Variants in GRID2 observed in about 807,000 individuals in gnomAD.
GRID2 encodes the protein glutamate receptor ionotropic, delta-2.
A neutral mutation model predicts 114.8 loss-of-function variants in GRID2; 33 were observed. That is an observed-to-expected ratio of 0.29 (90% CI 0.22 to 0.38). GRID2 has a LOEUF of 0.38. Among genes scored for constraint, GRID2 ranks in the 10% least tolerant of loss-of-function variants. The pLI is 1.00. For synonymous variants in GRID2, 505 were observed against 449.9 expected (o/e 1.12, Z -1.55); for missense variants, 1,184 against 1,257.7 (o/e 0.94, Z 0.89).
intron 1 of GRID2, among the ~76,000 whole-genome samples, chr4:92,340,940 C>T (rs1323245400): frequency 5.3e-5 from 8 of 151,992 alleles, no homozygotes; most frequent in African/African-American, 1.9e-4. Flanking sequence ...ACATTTTAGA[C>T]TGTCTATATG....
intron 2 of GRID2, among the ~76,000 whole-genome samples, chr4:92,761,158 C>T (rs1737992384): frequency 6.6e-6 from 1 of 151,862 alleles, no homozygotes; most frequent in Non-Finnish European, 1.5e-5. Context: ...TTTCTGTCTG[C>T]TTTGCACTAG....
chr4:92,381,117 A>G (rs1328916776), intron 1 of GRID2, among the ~76,000 whole-genome samples: 3 of 152,010 alleles, frequency 2.0e-5, no homozygotes, highest in Non-Finnish European at 4.4e-5. Flanking sequence ...AGTGTTTTAT[A>G]TGTGTAATGT....
intron 2 of GRID2, among the ~76,000 whole-genome samples, chr4:92,910,630 T>C (rs1748301614): frequency 6.6e-6 from 1 of 152,060 alleles, no homozygotes; most frequent in Non-Finnish European, 1.5e-5. Flanking sequence ...GTACAATCTA[T>C]TTTTTCAGAG....
chr4:92,969,884 C>A (rs1179048489), intron 2 of GRID2, among the ~76,000 whole-genome samples: 2 of 151,794 alleles, frequency 1.3e-5, no homozygotes, highest in Admixed American at 6.6e-5. Flanking sequence ...TAACAGTAGG[C>A]AATTCTGTCC....
At chr4:93,153,830 A>C (rs957915679) in intron 4 of GRID2, among the ~76,000 whole-genome samples, 1 of 152,056 alleles carries the variant, frequency 6.6e-6, no homozygotes, top group African/African-American at 2.4e-5. Flanking sequence ...TTCCAGACGC[A>C]AAGTTGTTGG....
chr4:92,512,022 A>G (rs960428410), intron 1 of GRID2, among the ~76,000 whole-genome samples: 5 of 150,240 alleles, frequency 3.3e-5, no homozygotes, highest in African/African-American at 1.2e-4. Flanking sequence ...ATGTCCATGA[A>G]TTTATCCAAG....
At chr4:92,999,858 A>G (rs1409418601) in intron 2 of GRID2, among the ~76,000 whole-genome samples, 1 of 151,640 alleles carries the variant, frequency 6.6e-6, no homozygotes, top group Non-Finnish European at 1.5e-5. Context: ...TTTTCATTAG[A>G]GATATATTTA....
chr4:93,025,393 G>C (rs1255462746), intron 2 of GRID2, among the ~76,000 whole-genome samples: 1 of 151,694 alleles, frequency 6.6e-6, no homozygotes, highest in Non-Finnish European at 1.5e-5. Context: ...TCTGAACTTA[G>C]TAAGATTAGC....
chr4:93,319,118 A>G (rs1193358514), intron 8 of GRID2, among the ~76,000 whole-genome samples: 1 of 152,100 alleles, frequency 6.6e-6, no homozygotes, highest in African/African-American at 2.4e-5. Context: ...AGCTGATTAC[A>G]GCACACTACT....
chr4:93,754,483 T>C (rs1378183582), intron 14 of GRID2, among the ~76,000 whole-genome samples: 2 of 152,218 alleles, frequency 1.3e-5, no homozygotes, highest in African/African-American at 4.8e-5. Context: ...TTATTTGCAG[T>C]GATCTATATA....
intron 1 of GRID2, among the ~76,000 whole-genome samples, chr4:92,406,107 G>A (rs1327990303): frequency 6.6e-6 from 1 of 152,060 alleles, no homozygotes; most frequent in Non-Finnish European, 1.5e-5. Flanking sequence ...TGGCTGTTTA[G>A]ATGGTGCACA....
At chr4:92,747,293 T>C (rs1737197566) in intron 2 of GRID2, among the ~76,000 whole-genome samples, 1 of 152,118 alleles carries the variant, frequency 6.6e-6, no homozygotes, top group Non-Finnish European at 1.5e-5. Flanking sequence ...TTTTTATATA[T>C]GCTTGAATGC....
At chr4:93,363,084 G>A (rs1295051470) in intron 8 of GRID2, among the ~76,000 whole-genome samples, 2 of 152,172 alleles carry the variant, frequency 1.3e-5, no homozygotes, top group South Asian at 2.1e-4. Context: ...TCTGGGCATG[G>A]TGGTGCATGT....
At chr4:93,495,960 ACT>A (rs1161771547) in intron 12 of GRID2, among the ~76,000 whole-genome samples, 14 of 151,646 alleles carry the variant, frequency 9.2e-5, no homozygotes, top group African/African-American at 2.7e-4. Flanking sequence ...TCTGGAAATG[ACT>A]CTGTTTAGGC....
At chr4:92,459,091 C>T (rs1721351411) in intron 1 of GRID2, among the ~76,000 whole-genome samples, 4 of 152,100 alleles carry the variant, frequency 2.6e-5, no homozygotes, top group Non-Finnish European at 5.9e-5. Flanking sequence ...AAAAAATTGT[C>T]ATCATGCATA....
chr4:93,403,496 T>C (rs1766106506), intron 9 of GRID2, among the ~76,000 whole-genome samples: 1 of 152,056 alleles, frequency 6.6e-6, no homozygotes, highest in Admixed American at 6.6e-5. Context: ...ATATTTAGCA[T>C]ATACAAAAAT....
chr4:92,573,842 G>A (rs1278394038), intron 1 of GRID2, among the ~76,000 whole-genome samples: 1 of 152,026 alleles, frequency 6.6e-6, no homozygotes, highest in Non-Finnish European at 1.5e-5. Flanking sequence ...TTGATCCAGA[G>A]CTGAGTTCAT....
At position 92,420,463 on chromosome 4, in the gene GRID2, AAATAT is replaced by A. The variant is rs538002728; in HGVS notation, c.88+115724_88+115728del. 3.3e-5 allele frequency among the ~76,000 whole-genome samples: 5 copies of A among 152,268 alleles called. 1 individual carries two copies. The South Asian group carries it at 1.0e-3, about 32-fold the overall frequency. On this transcript the variant is annotated intron_variant, in intron 1 of 15. Transcript: ENST00000282020. ...TGAAGACCATTTATTAGCATATTTT[AAATAT>A]AATAAAAGGGAGAGCACATGCTTGT...
At chr4:93,753,337 A>C (rs1036641) in intron 14 of GRID2, among the ~76,000 whole-genome samples, 134,252 of 152,248 alleles carry the variant, frequency 0.88, 59,188 homozygotes, top group East Asian at 0.95. Context: ...CATCTTAGAA[A>C]AATTCTTTTT....
Sources: gnomAD v4.1 joint callset for allele counts (sites outside exome capture counted in the v4.1 genomes callset) on GRCh38, gnomAD v4.1.1 for gene constraint, MANE v1.5 for transcripts, NCBI Gene and HGNC (gene_info 2026-07-23, HGNC 2026-07-21) for gene names.